BRAF: variants seen among roughly 807,000 people sequenced by gnomAD.
BRAF encodes B-Raf proto-oncogene, serine/threonine kinase, also known as serine/threonine-protein kinase B-raf.
BRAF carries 16 observed loss-of-function variants against 104.6 expected under a neutral mutation model. The ratio of observed to expected loss-of-function variants is 0.15; its 90% CI spans 0.10 to 0.23. The LOEUF (loss-of-function observed/expected upper bound fraction) is 0.23, where lower values mean the gene tolerates loss of function less well. BRAF is among the 10% of genes least tolerant of loss of function. BRAF has a pLI of 1.00. For missense variants in BRAF, 541 were observed against 937.3 expected, an observed-to-expected ratio of 0.58 and a Z score of 5.52; for synonymous variants, 310 against 341.6, an observed-to-expected ratio of 0.91 and a Z score of 1.02.
chr7:140,821,574 C>CA (rs1805493873), intron 3 of BRAF, among the ~76,000 whole-genome samples: 1 of 151,600 alleles, frequency 6.6e-6, no homozygotes, highest in Non-Finnish European at 1.5e-5. Flanking sequence ...AAAGTGCTGG[C>CA]AAAAAACAAC....
At chr7:140,913,691 C>T (rs530647798) in intron 1 of BRAF, among the ~76,000 whole-genome samples, 1 of 151,796 alleles carries the variant, frequency 6.6e-6, no homozygotes, top group East Asian at 1.9e-4. Context: ...ACCATGTTGG[C>T]CAGGATGGTC....
intron 1 of BRAF, among the ~76,000 whole-genome samples, chr7:140,909,222 TCAAGA>T (rs951851376): frequency 6.6e-6 from 1 of 151,946 alleles, no homozygotes; most frequent in Non-Finnish European, 1.5e-5. Context: ...GGTCGGGAGT[TCAAGA>T]CAAGCCTGAC....
At chr7:140,802,296 T>C (rs867931907) in intron 5 of BRAF, among the ~76,000 whole-genome samples, 1 of 141,740 alleles carries the variant, frequency 7.1e-6, no homozygotes, top group African/African-American at 2.7e-5. Context: ...TTGTGTCTTT[T>C]TTTTTTTTTT....
intron 14 of BRAF, 123 bp from the exon 14 acceptor site, chr7:140,754,356 T>C: frequency 1.2e-6 from 1 of 815,286 alleles, no homozygotes; most frequent in Non-Finnish European, 2.1e-6. Flanking sequence ...AAATAGTACA[T>C]TGTAATAAAC....
chr7:140,857,162 A>C (rs1358264269), intron 1 of BRAF, among the ~76,000 whole-genome samples: 1 of 152,206 alleles, frequency 6.6e-6, no homozygotes, highest in Non-Finnish European at 1.5e-5. Context: ...TACTTATAAG[A>C]GGGAAATAAA....
chr7:140,770,071 T>G (rs2129013704), intron 14 of BRAF, among the ~76,000 whole-genome samples: 1 of 152,360 alleles, frequency 6.6e-6, no homozygotes, highest in African/African-American at 2.4e-5. Context: ...ACATTTGATC[T>G]TATCAGAACT....
At chr7:140,862,119 A>C (rs1810484360) in intron 1 of BRAF, among the ~76,000 whole-genome samples, 1 of 152,222 alleles carries the variant, frequency 6.6e-6, no homozygotes, top group South Asian at 2.1e-4. Flanking sequence ...CTTATTCAAT[A>C]AACAAGAATC....
intron 1 of BRAF, among the ~76,000 whole-genome samples, chr7:140,904,927 T>G (rs760019769): frequency 7.0e-6 from 1 of 142,332 alleles, no homozygotes; most frequent in East Asian, 1.9e-4. Context: ...CAAGTATTAA[T>G]AGTTGCTCAA....
At chr7:140,847,968 A>G (rs1808758229) in intron 2 of BRAF, among the ~76,000 whole-genome samples, 1 of 152,202 alleles carries the variant, frequency 6.6e-6, no homozygotes, top group African/African-American at 2.4e-5. Context: ...AGTCCCCAAG[A>G]TAAGAATCTG....
chr7:140,907,533 T>C (rs1816460414), intron 1 of BRAF, among the ~76,000 whole-genome samples: 1 of 152,074 alleles, frequency 6.6e-6, no homozygotes, highest in South Asian at 2.1e-4. Context: ...AGTGCTGGGA[T>C]TACAGGCATA....
At chr7:140,795,018 T>G (rs976692048) in intron 7 of BRAF, among the ~76,000 whole-genome samples, 12 of 152,118 alleles carry the variant, frequency 7.9e-5, no homozygotes, top group African/African-American at 2.9e-4. Flanking sequence ...ATCCTCAGAG[T>G]GCCAATATCT....
intron 1 of BRAF, among the ~76,000 whole-genome samples, chr7:140,917,807 T>C (rs569120162): frequency 9.2e-5 from 14 of 152,102 alleles, no homozygotes; most frequent in Non-Finnish European, 1.9e-4. Flanking sequence ...GTTTAAGTGG[T>C]AGAAAAAAAA....
chr7:140,892,169 T>C (rs956466262), intron 1 of BRAF, among the ~76,000 whole-genome samples: 3 of 152,022 alleles, frequency 2.0e-5, no homozygotes, highest in African/African-American at 4.8e-5. Context: ...GGTAACAGAA[T>C]TGCTTGAGCC....
At chr7:140,920,913 G>A (rs1409876049) in intron 1 of BRAF, among the ~76,000 whole-genome samples, 1 of 152,194 alleles carries the variant, frequency 6.6e-6, no homozygotes, top group Non-Finnish European at 1.5e-5. Flanking sequence ...ACAAGCACCT[G>A]CATTAATGAG....
intron 1 of BRAF, among the ~76,000 whole-genome samples, chr7:140,865,184 A>G (rs536960100): frequency 4.1e-4 from 62 of 151,806 alleles, no homozygotes; most frequent in African/African-American, 1.5e-3. Flanking sequence ...GGCTCAAACG[A>G]TTCTCCTGCC....
intron 1 of BRAF, among the ~76,000 whole-genome samples, chr7:140,904,488 AC>A (rs1816068719): frequency 1.3e-5 from 2 of 152,172 alleles, no homozygotes; most frequent in African/African-American, 2.4e-5. Context: ...TAAAGACATA[AC>A]ATTTGATTCT....
At chr7:140,914,990 A>AATGAGCCG (rs1817445271) in intron 1 of BRAF, among the ~76,000 whole-genome samples, 1 of 88,090 alleles carries the variant, frequency 1.1e-5, no homozygotes, top group East Asian at 3.5e-4. Flanking sequence ...CGGAGGTTGC[A>AATGAGCCG]ATGAGCCGAG....
intron 5 of BRAF, among the ~76,000 whole-genome samples, chr7:140,802,784 T>C (rs1803265484): frequency 6.6e-6 from 1 of 152,152 alleles, no homozygotes; most frequent in Admixed American, 6.5e-5. Context: ...TTAATGTAAA[T>C]TTTTTACTTT....
intron 1 of BRAF, among the ~76,000 whole-genome samples, chr7:140,879,876 T>C (rs546641156): frequency 1.3e-5 from 2 of 151,956 alleles, no homozygotes; most frequent in Non-Finnish European, 2.9e-5. Context: ...GGATTACAGG[T>C]GCGTGCCACC....
Sources: gnomAD v4.1 joint callset for allele counts (sites outside exome capture counted in the v4.1 genomes callset) on GRCh38, gnomAD v4.1.1 for gene constraint, MANE v1.5 for transcripts, NCBI Gene and HGNC (gene_info 2026-07-23, HGNC 2026-07-21) for gene names.